TRAPPC9: variants seen among roughly 807,000 people sequenced by gnomAD.
TRAPPC9 encodes IKK2 binding protein.
Under a neutral mutation model 124.0 loss-of-function variants are expected in TRAPPC9, and 83 were observed. The ratio of observed to expected loss-of-function variants is 0.67; its 90% CI spans 0.56 to 0.80. The LOEUF (loss-of-function observed/expected upper bound fraction) is 0.80. Ranked by LOEUF, TRAPPC9 falls within the 30% of genes least tolerant of loss-of-function variation. The pLI, the probability that TRAPPC9 is intolerant of heterozygous loss-of-function variation, is 0.00. For missense variants in TRAPPC9, 1,302 were observed against 1,508.3 expected (o/e 0.86, Z 2.27); for synonymous variants, 638 against 617.5 (o/e 1.03, Z -0.49).
chr8:139,958,661 C>T (rs746520125), intron 19 of TRAPPC9, among the ~76,000 whole-genome samples: 3 of 152,172 alleles, frequency 2.0e-5, no homozygotes, highest in Non-Finnish European at 2.9e-5. Flanking sequence ...GAAGGGAGGC[C>T]GACCACTCTG....
intron 16 of TRAPPC9, among the ~76,000 whole-genome samples, chr8:140,251,583 G>A (rs1245553390): frequency 6.6e-6 from 1 of 152,224 alleles, no homozygotes; most frequent in African/African-American, 2.4e-5. Flanking sequence ...AAACTCTATG[G>A]AGGGCGTCTG....
intron 19 of TRAPPC9, among the ~76,000 whole-genome samples, chr8:139,925,815 G>T (rs923750180): frequency 2.1e-4 from 20 of 93,478 alleles, no homozygotes; most frequent in Non-Finnish European, 3.7e-4. Context: ...ACACGCACAC[G>T]CACACGCACA....
chr8:139,862,701 T>G (rs2130988593), intron 21 of TRAPPC9, among the ~76,000 whole-genome samples: 1 of 152,322 alleles, frequency 6.6e-6, no homozygotes, highest in Non-Finnish European at 1.5e-5. Flanking sequence ...ATGAAGCACC[T>G]GCTCTGTGCA....
chr8:140,345,910 G>A (rs2067335768), intron 9 of TRAPPC9, among the ~76,000 whole-genome samples: 1 of 152,200 alleles, frequency 6.6e-6, no homozygotes, highest in Non-Finnish European at 1.5e-5. Flanking sequence ...AGAATGGAGA[G>A]GCACAGAGAT....
intron 19 of TRAPPC9, among the ~76,000 whole-genome samples, chr8:139,966,139 G>A (rs1313733430): frequency 6.6e-6 from 1 of 152,230 alleles, no homozygotes; most frequent in African/African-American, 2.4e-5. Context: ...AGAGGTGGGG[G>A]CAGAACAGAC....
chr8:140,377,075 G>A (rs1189781186), intron 7 of TRAPPC9, among the ~76,000 whole-genome samples: 1 of 152,094 alleles, frequency 6.6e-6, no homozygotes, highest in Non-Finnish European at 1.5e-5. Flanking sequence ...AGATGGCCAA[G>A]CAAAGTCCGC....
chr8:140,267,040 G>A (rs1353794303), intron 15 of TRAPPC9, among the ~76,000 whole-genome samples: 5 of 152,042 alleles, frequency 3.3e-5, no homozygotes, highest in African/African-American at 1.2e-4. Context: ...TTTAAAGGGA[G>A]TCTGTAATAG....
At chr8:139,750,370 C>T (rs138290683) in intron 21 of TRAPPC9, among the ~76,000 whole-genome samples, 22 of 152,320 alleles carry the variant, frequency 1.4e-4, no homozygotes, top group African/African-American at 4.6e-4. Context: ...TCAGGTCTAC[C>T]GTGCCTTTTT....
At chr8:140,453,748 C>G (rs1005884898) in intron 1 of TRAPPC9, among the ~76,000 whole-genome samples, 1 of 152,170 alleles carries the variant, frequency 6.6e-6, no homozygotes, top group Admixed American at 6.6e-5. Context: ...TTCCCCACAA[C>G]GATTCCCTAA....
At chr8:140,088,089 C>G (rs2130123830) in intron 17 of TRAPPC9, among the ~76,000 whole-genome samples, 1 of 152,214 alleles carries the variant, frequency 6.6e-6, no homozygotes, top group African/African-American at 2.4e-5. Flanking sequence ...TCTGGCTATA[C>G]AAGCCTCCCT....
chr8:139,795,273 C>T (rs1822970806), intron 21 of TRAPPC9, among the ~76,000 whole-genome samples: 3 of 152,132 alleles, frequency 2.0e-5, no homozygotes, highest in Admixed American at 1.3e-4. Context: ...CAGACAATTA[C>T]GGTGAGAGGA....
intron 19 of TRAPPC9, among the ~76,000 whole-genome samples, chr8:139,912,325 C>T (rs1207081792): frequency 3.3e-5 from 5 of 152,178 alleles, no homozygotes; most frequent in East Asian, 3.8e-4. Context: ...ATTTTCCCAT[C>T]GCTAAAAATT....
chr8:140,222,578 C>T (rs1018035890), intron 16 of TRAPPC9, among the ~76,000 whole-genome samples: 1 of 152,222 alleles, frequency 6.6e-6, no homozygotes, highest in African/African-American at 2.4e-5. Flanking sequence ...CACCCTGCCC[C>T]TAGCACTCAA....
chr8:140,351,289 A>G (rs904348597), intron 9 of TRAPPC9, among the ~76,000 whole-genome samples: 1 of 150,078 alleles, frequency 6.7e-6, no homozygotes, highest in Admixed American at 6.8e-5. Context: ...AGCCCTTCCT[A>G]GCTGTAGCAC....
At position 140,182,618 on chromosome 8, in the gene TRAPPC9, A is replaced by G. The variant is rs900913119; in HGVS notation, c.2556+38841T>C. ...AGTGTCCTCTCAACCTCTTGCTCAG[A>G]GTCTTTCCATTTCATTCTCCAATAA... is the stretch of plus-strand genomic sequence containing the variant. On this transcript the variant is annotated intron_variant, in intron 17 of 22. Transcript: ENST00000438773. This position sits in a 1 kb window ranked among gnomAD's most constrained non-coding sequence, Gnocchi z 4.0. Among the ~76,000 whole-genome samples, 1 of 152,160 alleles carries G rather than the reference A, an allele frequency of 6.6e-6. No individual in the cohort carries two copies. The highest frequency in any genetic ancestry group is 2.4e-5 in the African/African-American group (1 of 41,434).
chr8:140,405,348 A>C, intron 6 of TRAPPC9: 1 of 457,648 alleles, frequency 2.2e-6, no homozygotes, highest in East Asian at 4.2e-5. Context: ...TACGCAGGCC[A>C]TGAGAGCCTT....
At chr8:140,206,269 T>C (rs2062914800) in intron 17 of TRAPPC9, among the ~76,000 whole-genome samples, 2 of 152,218 alleles carry the variant, frequency 1.3e-5, no homozygotes, top group Admixed American at 1.3e-4. Context: ...AAAACAATTA[T>C]CTTTTATGTT....
In TRAPPC9 at chr8:140,063,726, G is replaced by A. The variant is rs1842761273; in HGVS notation, c.2557-39647C>T. On this transcript the variant is annotated intron_variant, in intron 17 of 22. Transcript: ENST00000438773. This position sits in a 1 kb window ranked among gnomAD's most constrained non-coding sequence, Gnocchi z 4.3. ...AACTAGAAATATTTCTGCTTTTGAG[G>A]AATTGCTCTGTGTTTCCTTAAGAGC... Among the ~76,000 whole-genome samples, 1 of 152,170 alleles carries A rather than the reference G, an allele frequency of 6.6e-6. No homozygotes were observed. Among genetic ancestry groups the A allele is most frequent in the South Asian group, 2.1e-4 (1 of 4,820 alleles).
intron 21 of TRAPPC9, among the ~76,000 whole-genome samples, chr8:139,745,865 G>A (rs951284797): frequency 2.0e-5 from 3 of 152,252 alleles, no homozygotes; most frequent in African/African-American, 4.8e-5. Flanking sequence ...AAACTGAGTC[G>A]GTGGGCAGCA....
Sources: allele counts gnomAD v4.1 joint callset (sites outside exome capture counted in the v4.1 genomes callset), GRCh38; gene constraint gnomAD v4.1.1; non-coding constraint Gnocchi (gnomAD v3.1); transcripts MANE v1.5; gene names NCBI Gene and HGNC (gene_info 2026-07-23, HGNC 2026-07-21).